Variants in CRTAC1 observed in about 807,000 individuals in gnomAD.
The protein encoded by CRTAC1 is cartilage acidic protein 1.
A neutral mutation model predicts 67.8 loss-of-function variants in CRTAC1; 37 were observed. That is an observed-to-expected ratio of 0.55 (90% CI 0.42 to 0.72). CRTAC1 has a LOEUF of 0.72. CRTAC1 is among the 30% of genes least tolerant of loss of function. The probability of loss-of-function intolerance (pLI) is 0.00; values close to 1 mark genes in which losing one functional copy is unlikely to be tolerated. For missense variants in CRTAC1, 780 were observed against 931.6 expected (o/e 0.84, Z 2.12); for synonymous variants, 348 against 371.0 (o/e 0.94, Z 0.71).
intron 4 of CRTAC1, among the ~76,000 whole-genome samples, chr10:97,919,039 C>G (rs2050800303): frequency 6.6e-6 from 1 of 150,540 alleles, no homozygotes; most frequent in East Asian, 2.0e-4. Context: ...CCACCCCCCC[C>G]CGCCTCAGCC....
intron 2 of CRTAC1, among the ~76,000 whole-genome samples, chr10:97,983,538 G>GAGAT (rs1334887984): frequency 6.8e-6 from 1 of 148,012 alleles, no homozygotes; most frequent in African/African-American, 2.7e-5. Context: ...TGATCACAAA[G>GAGAT]AGATAGAAAT....
intron 3 of CRTAC1, among the ~76,000 whole-genome samples, chr10:97,930,571 G>A (rs191329849): frequency 5.8e-4 from 89 of 152,268 alleles, no homozygotes; most frequent in Middle Eastern, 3.4e-3. Context: ...AGAGCACCCC[G>A]CTGATTCCCA....
chr10:97,936,081 G>T (rs1217433887), intron 3 of CRTAC1, 89 bp downstream of exon 3: 4 of 1,287,726 alleles, frequency 3.1e-6, no homozygotes, highest in Non-Finnish European at 4.3e-6. Flanking sequence ...GTTGCCTGAG[G>T]AAGGGCCAGG....
chr10:97,905,902 G>A (rs1367044774), intron 6 of CRTAC1, among the ~76,000 whole-genome samples: 7 of 152,126 alleles, frequency 4.6e-5, no homozygotes, highest in South Asian at 2.1e-4. Flanking sequence ...TGCCCAGAGC[G>A]ATGGGCTGAC....
At chr10:97,938,391 C>G (rs1454161566) in intron 2 of CRTAC1, among the ~76,000 whole-genome samples, 1 of 152,172 alleles carries the variant, frequency 6.6e-6, no homozygotes, top group Non-Finnish European at 1.5e-5. Context: ...AGTGCTTGGC[C>G]TTGTTAAAAG....
At chr10:97,997,327 C>G (rs1385062176) in intron 2 of CRTAC1, among the ~76,000 whole-genome samples, 1 of 147,924 alleles carries the variant, frequency 6.8e-6, no homozygotes, top group Non-Finnish European at 1.5e-5. Context: ...ATGGCATGCC[C>G]CTGTAGTCCC....
At chr10:98,023,113 C>T (rs1003829516) in intron 1 of CRTAC1, among the ~76,000 whole-genome samples, 1 of 152,082 alleles carries the variant, frequency 6.6e-6, no homozygotes, top group African/African-American at 2.4e-5. Context: ...ACTGAGCTTC[C>T]CTGCAGCAGC....
chr10:97,972,212 C>A (rs1303902850), intron 2 of CRTAC1, among the ~76,000 whole-genome samples: 2 of 152,214 alleles, frequency 1.3e-5, no homozygotes, highest in Non-Finnish European at 2.9e-5. Flanking sequence ...TACTTCCAGA[C>A]CCTGAGCAAA....
intron 2 of CRTAC1, among the ~76,000 whole-genome samples, chr10:97,964,420 A>G (rs2051581262): frequency 6.6e-6 from 1 of 152,214 alleles, no homozygotes; most frequent in South Asian, 2.1e-4. Flanking sequence ...TTGCCGCTTG[A>G]CAGGCCATCA....
chr10:97,967,289 T>C (rs1554928309), intron 2 of CRTAC1, among the ~76,000 whole-genome samples: 1 of 152,242 alleles, frequency 6.6e-6, no homozygotes, highest in Non-Finnish European at 1.5e-5. Context: ...GCTCTTTCAG[T>C]TAGCTCCTCT....
rs968380359 is a variant in CRTAC1, at chr10:97,865,240, C to T, written c.*308G>A. ...GGATTTGAACTCAGGACACTAAAGTCCTCATACTTCCTGTGCAGTGACACC... is the reference window on the plus strand; with the variant it reads ...GGATTTGAACTCAGGACACTAAAGTTCTCATACTTCCTGTGCAGTGACACC... On this transcript the variant is annotated 3_prime_UTR_variant, in exon 15 of 15. Transcript: ENST00000370597. The T allele has an allele frequency of 6.9e-6, 2 of 288,426 alleles. No homozygotes were observed. The highest frequency in any genetic ancestry group is 1.3e-5 in the Non-Finnish European group (2 of 155,408). 17.9% of individuals were successfully genotyped at this position (288,426 alleles called of 1,614,324 possible). A position where few individuals can be genotyped will look rare whatever the true frequency, so the allele number is the denominator to read the frequency against.
chr10:97,943,243 A>C (rs2051206221), intron 2 of CRTAC1, among the ~76,000 whole-genome samples: 1 of 152,204 alleles, frequency 6.6e-6, no homozygotes, highest in Non-Finnish European at 1.5e-5. Context: ...ACAAAAAGGG[A>C]AGAGGAAGCC....
chr10:97,927,454 G>A (rs2050938041), intron 3 of CRTAC1, among the ~76,000 whole-genome samples: 1 of 152,082 alleles, frequency 6.6e-6, no homozygotes, highest in Admixed American at 6.5e-5. Context: ...ACTCCTTTTT[G>A]TAGACCACCT....
chr10:97,876,345 T>A (rs1308942295), intron 14 of CRTAC1, among the ~76,000 whole-genome samples: 1 of 152,224 alleles, frequency 6.6e-6, no homozygotes, highest in Non-Finnish European at 1.5e-5. Context: ...TTGATTATTG[T>A]AAAGAGTTTA....
At chr10:98,002,635 C>T (rs1019083881) in intron 2 of CRTAC1, among the ~76,000 whole-genome samples, 4 of 152,022 alleles carry the variant, frequency 2.6e-5, no homozygotes, top group South Asian at 2.1e-4. Flanking sequence ...TTCAAAGCTC[C>T]GAATTCCCTC....
intron 2 of CRTAC1, among the ~76,000 whole-genome samples, chr10:97,990,928 C>T (rs1842437362): frequency 6.6e-6 from 1 of 151,884 alleles, no homozygotes; most frequent in African/African-American, 2.4e-5. Flanking sequence ...TAAACGACTG[C>T]TTTAAAAATT....
rs1324634420 is a variant in CRTAC1, at chr10:98,030,556, G to C, written c.-84C>G. On this transcript the variant is annotated 5_prime_UTR_variant, in exon 1 of 15. Coordinates refer to ENST00000370597, the MANE Select transcript of CRTAC1 (RefSeq NM_018058.7). This position sits in a 1 kb window ranked among gnomAD's most constrained non-coding sequence, Gnocchi z 4.2. ...CTGCCGCCGGCGCCGCCGCCTGCTT[G>C]CTCCCAGCCCCGGTCCCGGGCTGGC... 3.1e-5 allele frequency: 31 copies of C among 997,446 alleles called. No individual in the cohort carries two copies. The highest frequency in any genetic ancestry group is 3.9e-6 in the Non-Finnish European group (3 of 768,820). The allele number at this position is 997,446 out of a possible 1,614,324, so 61.8% of individuals were successfully genotyped here.
chr10:97,961,978 G>A (rs1301822358), intron 2 of CRTAC1, among the ~76,000 whole-genome samples: 1 of 152,164 alleles, frequency 6.6e-6, no homozygotes, highest in Non-Finnish European at 1.5e-5. Flanking sequence ...CTTTTTTAGA[G>A]GTGTCTTTTT....
At chr10:97,872,640 T>C (rs567102844) in intron 14 of CRTAC1, among the ~76,000 whole-genome samples, 1 of 152,168 alleles carries the variant, frequency 6.6e-6, no homozygotes, top group East Asian at 1.9e-4. Context: ...GCTGGCTGGA[T>C]AAGTGGATGG....
Sources: allele counts gnomAD v4.1 joint callset (sites outside exome capture counted in the v4.1 genomes callset), GRCh38; gene constraint gnomAD v4.1.1; non-coding constraint Gnocchi (gnomAD v3.1); transcripts MANE v1.5; gene names NCBI Gene and HGNC (gene_info 2026-07-23, HGNC 2026-07-21).